RGPD2: variants seen among roughly 807,000 people sequenced by gnomAD.
RGPD2 encodes RANBP2 like and GRIP domain containing 2.
In RGPD2, 2 loss-of-function variants were observed where a neutral mutation model predicts 36.0. That is an observed-to-expected ratio of 0.06 (90% confidence interval 0.02 to 0.17). The LOEUF (loss-of-function observed/expected upper bound fraction) is 0.17, where lower values mean the gene tolerates loss of function less well. RGPD2 is among the 10% of genes least tolerant of loss of function. RGPD2 has a pLI of 1.00. For synonymous variants in RGPD2, 19 were observed against 163.8 expected, an observed-to-expected ratio of 0.12 and a Z score of 6.75; for missense variants, 40 against 464.3, an observed-to-expected ratio of 0.09 and a Z score of 8.40.
At chr2:87,890,655 G>GT in the RGPD2 span, among the ~76,000 whole-genome samples, 1 of 151,076 alleles carries the variant, frequency 6.6e-6, no homozygotes, top group East Asian at 1.9e-4. Context: ...TTGGTGCTTG[G>GT]TACCAGCATG....
At chr2:87,984,960 G>A in the RGPD2 span, among the ~76,000 whole-genome samples, 5 of 145,230 alleles carry the variant, frequency 3.4e-5, no homozygotes, top group Non-Finnish European at 7.5e-5. Flanking sequence ...AGGATTTGGT[G>A]TGCAAGGCTA....
At chr2:87,914,146 C>T in the RGPD2 span, among the ~76,000 whole-genome samples, 2 of 146,708 alleles carry the variant, frequency 1.4e-5, no homozygotes, top group African/African-American at 5.1e-5. Flanking sequence ...CATTTAAAAA[C>T]CTCAGCATCC....
At chr2:87,915,155 AT>A in the RGPD2 span, among the ~76,000 whole-genome samples, 1 of 151,830 alleles carries the variant, frequency 6.6e-6, no homozygotes, top group Non-Finnish European at 1.5e-5. Context: ...CTCAAAAAAA[AT>A]AAAATAAACT....
At chr2:87,956,303 AT>A in the RGPD2 span, among the ~76,000 whole-genome samples, 3 of 151,764 alleles carry the variant, frequency 2.0e-5, no homozygotes, top group Admixed American at 2.0e-4. Flanking sequence ...TACTACTAGG[AT>A]TGTTCCACTT....
At chr2:87,878,569 C>G in the RGPD2 span, among the ~76,000 whole-genome samples, 6 of 152,250 alleles carry the variant, frequency 3.9e-5, no homozygotes, top group African/African-American at 9.6e-5. Context: ...ACCTGAAATA[C>G]TTATCTGTGA....
At chr2:87,911,605 A>C in the RGPD2 span, among the ~76,000 whole-genome samples, 2 of 151,824 alleles carry the variant, frequency 1.3e-5, no homozygotes, top group Non-Finnish European at 2.9e-5. Flanking sequence ...ATTGATTAGG[A>C]AATAACCTGA....
intron 6 of RGPD2, among the ~76,000 whole-genome samples, chr2:87,807,544 GC>G (rs1221318517): frequency 6.9e-6 from 1 of 145,616 alleles, no homozygotes; most frequent in Admixed American, 6.9e-5. Context: ...CTGCCACCAT[GC>G]CCCGCTAAAC....
the RGPD2 span, among the ~76,000 whole-genome samples, chr2:87,854,812 T>C: frequency 2.6e-5 from 4 of 152,168 alleles, no homozygotes; most frequent in African/African-American, 9.7e-5. Context: ...GTTTTACAAA[T>C]ATAAATAAAG....
the RGPD2 span, among the ~76,000 whole-genome samples, chr2:87,977,951 A>G: frequency 1.3e-5 from 2 of 150,672 alleles, no homozygotes. Context: ...CGTGGTCTCT[A>G]CTAAAAATAC....
chr2:87,831,764 TA>T, the RGPD2 span, among the ~76,000 whole-genome samples: 1 of 150,242 alleles, frequency 6.7e-6, no homozygotes, highest in Non-Finnish European at 1.5e-5. Flanking sequence ...GAAAGCTAAA[TA>T]AATCATTTTC....
chr2:87,984,999 C>T, the RGPD2 span, among the ~76,000 whole-genome samples: 4 of 146,982 alleles, frequency 2.7e-5, no homozygotes, highest in Admixed American at 6.8e-5. Context: ...AGCTGAGCTA[C>T]CTGGAAAAGG....
At chr2:87,929,330 G>T in the RGPD2 span, among the ~76,000 whole-genome samples, 4 of 150,990 alleles carry the variant, frequency 2.6e-5, no homozygotes, top group South Asian at 8.4e-4. Context: ...GATAGCTGTG[G>T]GTGTGTGGTC....
chr2:87,947,702 TAC>T, the RGPD2 span, among the ~76,000 whole-genome samples: 1 of 152,094 alleles, frequency 6.6e-6, no homozygotes, highest in Non-Finnish European at 1.5e-5. Flanking sequence ...CTTGTAAACA[TAC>T]TTTGTAAAGT....
chr2:87,978,079 T>TACAGCCTGG, the RGPD2 span, among the ~76,000 whole-genome samples: 1 of 148,956 alleles, frequency 6.7e-6, no homozygotes. Context: ...ATCATGCCAC[T>TACAGCCTGG]GCACTACAGC....
At chr2:87,912,820 A>G in the RGPD2 span, among the ~76,000 whole-genome samples, 3,180 of 120,480 alleles carry the variant, frequency 0.026, 118 homozygotes, top group African/African-American at 0.1. Context: ...TAGAAATAGT[A>G]CCCTGATTGA....
chr2:87,968,305 C>T, the RGPD2 span, among the ~76,000 whole-genome samples: 17 of 151,688 alleles, frequency 1.1e-4, no homozygotes, highest in Admixed American at 2.6e-4. Flanking sequence ...TGGCCAGGCA[C>T]AGTGTCATGC....
the RGPD2 span, among the ~76,000 whole-genome samples, chr2:87,875,877 T>C: frequency 6.6e-6 from 1 of 152,212 alleles, no homozygotes; most frequent in African/African-American, 2.4e-5. Context: ...TATTTATTAG[T>C]GGCTTTATTT....
chr2:87,932,777 G>A, the RGPD2 span, among the ~76,000 whole-genome samples: 31,872 of 146,608 alleles, frequency 0.22, no homozygotes, highest in East Asian at 0.43. Flanking sequence ...GAATTTTAGC[G>A]CCCGATTCCT....
At chr2:87,980,064 T>C in the RGPD2 span, among the ~76,000 whole-genome samples, 1 of 151,732 alleles carries the variant, frequency 6.6e-6, no homozygotes, top group Admixed American at 6.6e-5. Flanking sequence ...AATAATACCA[T>C]GGAGGCCAGG....
Sources: gnomAD v4.1 joint callset for allele counts (sites outside exome capture counted in the v4.1 genomes callset) on GRCh38, gnomAD v4.1.1 for gene constraint, MANE v1.5 for transcripts, NCBI Gene and HGNC (gene_info 2026-07-23, HGNC 2026-07-21) for gene names.